The following SMYD1 variants were observed in gnomAD, a reference collection of about 807,000 sequenced individuals.
The protein encoded by SMYD1 is histone-lysine N-methyltransferase SMYD1.
Under a neutral mutation model 54.0 loss-of-function variants are expected in SMYD1, and 49 were observed. That is an observed-to-expected ratio of 0.91 (90% confidence interval 0.72 to 1.15). SMYD1 has a LOEUF of 1.15. Ranked by LOEUF, SMYD1 falls within the 50% of genes most tolerant of loss-of-function variation. SMYD1 has a pLI of 0.00. For synonymous variants in SMYD1, 269 were observed against 234.2 expected (o/e 1.15, Z -1.36); for missense variants, 653 against 639.6 (o/e 1.02, Z -0.23).
chr2:88,089,009 A>T (rs1674403377), intron 3 of SMYD1, among the ~76,000 whole-genome samples: 1 of 152,204 alleles, frequency 6.6e-6, no homozygotes, highest in African/African-American at 2.4e-5. Context: ...ACATCTCTCC[A>T]GTCTTCACCA....
At chr2:88,099,714 T>C (rs1424363194) in intron 6 of SMYD1, among the ~76,000 whole-genome samples, 2 of 150,866 alleles carry the variant, frequency 1.3e-5, no homozygotes, top group Non-Finnish European at 3.0e-5. Context: ...CAGAGCGAGA[T>C]TCCATCTCAA....
At position 88,067,899 on chromosome 2, in the gene SMYD1, T is replaced by C. The variant is rs1673864356; in HGVS notation, c.35T>C (p.Phe12Ser). The change falls in exon 1 of 10, where the codon TTC (phenylalanine) becomes TCC (serine). Residue 12 changes from phenylalanine to serine, a missense_variant. Coordinates refer to ENST00000419482, the MANE Select transcript of SMYD1 (RefSeq NM_198274.4). ...GGGAGAATGGAGAACGTGGAGGTCT[T>C]CACCGCTGAGGGCAAAGGAAGGGGT... ...TIGRMENVEVFTAEGKGRGLK... is the reference protein window; with the variant it reads ...TIGRMENVEVSTAEGKGRGLK... 2 of 1,614,072 alleles carry C rather than the reference T, an allele frequency of 1.2e-6. No homozygotes were observed. The highest frequency in any genetic ancestry group is 1.7e-6 in the Non-Finnish European group (2 of 1,180,016).
chr2:88,079,297 A>G (rs1276908848), intron 1 of SMYD1, among the ~76,000 whole-genome samples: 1 of 152,222 alleles, frequency 6.6e-6, no homozygotes. Context: ...ATTTATTCTT[A>G]GGGACATAAT....
At chr2:88,094,372 A>T (rs1674528859) in intron 5 of SMYD1, among the ~76,000 whole-genome samples, 1 of 152,162 alleles carries the variant, frequency 6.6e-6, no homozygotes, top group Admixed American at 6.5e-5. Flanking sequence ...TGTGAGAAAT[A>T]CTTAAATAGG....
intron 7 of SMYD1, among the ~76,000 whole-genome samples, chr2:88,104,337 C>A (rs1674807024): frequency 6.6e-6 from 1 of 152,168 alleles, no homozygotes; most frequent in South Asian, 2.1e-4. Flanking sequence ...ATTTCTAAAC[C>A]CTTACTGGGG....
chr2:88,087,910 C>A lies in SMYD1; in HGVS notation c.363C>A (p.Leu121=). The part of the protein sequence containing the change: ...MWRVEREGTG[L]TEGCLVSVDD... Reference sequence around the variant, plus strand: ...GGGTGGAGAGAGAAGGCACCGGGCTCACGGAGGGCTGCCTGGTGTCCGTGG... The same window carrying A: ...GGGTGGAGAGAGAAGGCACCGGGCTAACGGAGGGCTGCCTGGTGTCCGTGG... Residue 121 remains leucine (L), a synonymous_variant, in exon 3 of 10, where the codon CTC becomes CTA. Coordinates refer to ENST00000419482, the MANE Select transcript of SMYD1 (RefSeq NM_198274.4). 6.2e-7 allele frequency: 1 copy of A among 1,611,512 alleles called. No homozygotes were observed. Among genetic ancestry groups the A allele is most frequent in the South Asian group, 1.1e-5 (1 of 90,754 alleles).
chr2:88,071,090 A>G (rs971512573), intron 1 of SMYD1, among the ~76,000 whole-genome samples: 3 of 152,054 alleles, frequency 2.0e-5, no homozygotes, highest in African/African-American at 4.8e-5. Context: ...GTTTCTTTCA[A>G]TGAAATGTTT....
intron 8 of SMYD1, among the ~76,000 whole-genome samples, chr2:88,106,988 G>T (rs2919860): frequency 1.3e-5 from 2 of 151,794 alleles, no homozygotes. Context: ...ATCACGAGGT[G>T]GGGAGATAGA....
intron 7 of SMYD1, among the ~76,000 whole-genome samples, chr2:88,105,789 T>A (rs779051753): frequency 6.6e-6 from 1 of 151,952 alleles, no homozygotes; most frequent in Non-Finnish European, 1.5e-5. Flanking sequence ...AATACAAAAA[T>A]TATTTGGGCG....
chr2:88,081,800 C>T (rs1240299229), intron 1 of SMYD1, among the ~76,000 whole-genome samples: 2 of 150,542 alleles, frequency 1.3e-5, no homozygotes, highest in South Asian at 2.1e-4. Context: ...TGTGGAGATC[C>T]GGCAAGTGTA....
intron 4 of SMYD1, among the ~76,000 whole-genome samples, chr2:88,092,003 G>C (rs1472078584): frequency 1.3e-5 from 2 of 152,236 alleles, no homozygotes; most frequent in African/African-American, 4.8e-5. Context: ...AGGAAGCACT[G>C]TTTCTGCAGC....
At chr2:88,081,657 A>G in intron 1 of SMYD1, among the ~76,000 whole-genome samples, 1 of 152,130 alleles carries the variant, frequency 6.6e-6, no homozygotes, top group Admixed American at 6.5e-5. Flanking sequence ...GCTGTTCTCA[A>G]ACTTCTGACC....
chr2:88,103,670 A>G (rs1378999196), intron 7 of SMYD1, among the ~76,000 whole-genome samples: 2 of 152,160 alleles, frequency 1.3e-5, no homozygotes, highest in Non-Finnish European at 2.9e-5. Flanking sequence ...ATCTCTGGCC[A>G]TGGGACCCTG....
intron 5 of SMYD1, among the ~76,000 whole-genome samples, chr2:88,093,762 G>T (rs1025716436): frequency 6.6e-5 from 10 of 151,856 alleles, no homozygotes; most frequent in Non-Finnish European, 1.3e-4. Context: ...GCTTTATTTT[G>T]CCTCCTTTCT....
intron 2 of SMYD1, among the ~76,000 whole-genome samples, 188 bp from the exon 3 acceptor site, chr2:88,087,674 A>G (rs1234114676): frequency 6.6e-6 from 1 of 152,214 alleles, no homozygotes; most frequent in Non-Finnish European, 1.5e-5. Context: ...CTTTCTATGT[A>G]AAATGTGCTT....
chr2:88,100,349 T>C (rs1674694617), intron 6 of SMYD1, among the ~76,000 whole-genome samples: 1 of 152,190 alleles, frequency 6.6e-6, no homozygotes, highest in East Asian at 1.9e-4. Context: ...CCTTACATCA[T>C]CAAATTGAGC....
chr2:88,099,099 ATTTT>A (rs1325199992), intron 6 of SMYD1, among the ~76,000 whole-genome samples: 7 of 151,512 alleles, frequency 4.6e-5, no homozygotes, highest in Non-Finnish European at 8.8e-5. Flanking sequence ...ATTTTTATTT[ATTTT>A]TGAGACGAGG....
chr2:88,106,324 G>T lies in SMYD1; in HGVS notation c.982-1G>T, dbSNP rs763208845. 1 of 1,614,062 alleles carries T rather than the reference G, an allele frequency of 6.2e-7. No homozygotes were observed. The highest frequency in any genetic ancestry group is 8.5e-7 in the Non-Finnish European group (1 of 1,180,010). ...TGGGCAGGGCCTCTGTCTCACTCTA[G>T]GTTGTGAAATTATGCCGGGAGTGCC... On this transcript the variant is annotated splice_acceptor_variant, in intron 7 of 9. Coordinates refer to ENST00000419482, the MANE Select transcript of SMYD1 (RefSeq NM_198274.4). LOFTEE classifies it high-confidence loss of function.
chr2:88,084,235 C>A, intron 1 of SMYD1, 81 bp from the exon 2 acceptor site: 2 of 1,221,040 alleles, frequency 1.6e-6, no homozygotes, highest in Non-Finnish European at 2.3e-6. Context: ...TGAACCAGTA[C>A]TGGAACACAG....
Sources: allele counts gnomAD v4.1 joint callset (sites outside exome capture counted in the v4.1 genomes callset), GRCh38; gene constraint gnomAD v4.1.1; transcripts MANE v1.5; gene names NCBI Gene and HGNC (gene_info 2026-07-23, HGNC 2026-07-21).